Variants in DET1 observed in about 807,000 individuals in gnomAD.
DET1 encodes the protein DET1 homolog.
In DET1, 22 loss-of-function variants were observed where a neutral mutation model predicts 43.7. The ratio of observed to expected loss-of-function variants is 0.50; its 90% CI spans 0.36 to 0.72. The LOEUF (loss-of-function observed/expected upper bound fraction) is 0.72, where lower values mean the gene tolerates loss of function less well. DET1 is among the 30% of genes least tolerant of loss of function. The probability of loss-of-function intolerance (pLI) is 0.00; values close to 1 mark genes in which losing one functional copy is unlikely to be tolerated. For synonymous variants in DET1, 315 were observed against 266.2 expected (o/e 1.18, Z -1.79); for missense variants, 713 against 713.3 (o/e 1.00, Z 0.00).
At chr15:88,539,455 A>C (rs2057044046) in intron 1 of DET1, among the ~76,000 whole-genome samples, 1 of 151,502 alleles carries the variant, frequency 6.6e-6, no homozygotes, top group Non-Finnish European at 1.5e-5. Flanking sequence ...GTCTAAAAAA[A>C]AAAAAAAAAA....
At chr15:88,534,453 C>A (rs2056896711) in intron 1 of DET1, among the ~76,000 whole-genome samples, 2 of 152,244 alleles carry the variant, frequency 1.3e-5, no homozygotes, top group South Asian at 2.1e-4. Context: ...GCTTGAAGAG[C>A]AAGTGTGTTG....
intron 3 of DET1, among the ~76,000 whole-genome samples, chr15:88,517,553 T>C (rs1289549375): frequency 6.6e-6 from 1 of 152,186 alleles, no homozygotes; most frequent in Non-Finnish European, 1.5e-5. Context: ...ACAAAGACTC[T>C]ACAAACAAGT....
chr15:88,540,243 C>G (rs1183905636), intron 1 of DET1, among the ~76,000 whole-genome samples: 1 of 152,098 alleles, frequency 6.6e-6, no homozygotes, highest in Non-Finnish European at 1.5e-5. Flanking sequence ...GGGAGAACGC[C>G]TAGATCCAAC....
At chr15:88,534,758 G>C (rs1385338601) in intron 1 of DET1, among the ~76,000 whole-genome samples, 1 of 152,172 alleles carries the variant, frequency 6.6e-6, no homozygotes, top group South Asian at 2.1e-4. Flanking sequence ...TCTGCCATTA[G>C]AACCATAGCC....
At position 88,531,121 on chromosome 15, in the gene DET1, G is replaced by A. The variant is rs746400161; in HGVS notation, c.585C>T (p.Ile195=). 17 of 1,614,008 alleles carry A rather than the reference G, an allele frequency of 1.1e-5. No individual in the cohort carries two copies. In the South Asian group the frequency reaches 1.9e-4, roughly 18 times the overall value. The change falls in exon 2 of 5, where the codon ATC becomes ATT. Residue 195 remains isoleucine, a synonymous_variant. Transcript: ENST00000268148. The surrounding 1 kb of genome is among the most constrained non-coding windows in gnomAD (Gnocchi z 6.2). ...ATAAGCGGCCGGTGTGAAGGTCAAT[G>A]ATATGGAGGGAATAGTCTTCTAGAG... ...RSPLEDYSLH[I]IDLHTGRLCD...
intron 2 of DET1, 126 bp downstream of exon 2, chr15:88,530,497 C>T: frequency 1.4e-6 from 2 of 1,448,714 alleles, no homozygotes; most frequent in East Asian, 2.3e-5. Context: ...TAAGTTTGGG[C>T]CCTAGGATAT....
chr15:88,525,015 G>A (rs2056624208), intron 3 of DET1, among the ~76,000 whole-genome samples: 1 of 152,146 alleles, frequency 6.6e-6, no homozygotes, highest in South Asian at 2.1e-4. Context: ...AGTATGATTA[G>A]TGGTCAACAA....
intron 7 of DET1, among the ~76,000 whole-genome samples, chr15:88,506,772 G>T (rs1028198387): frequency 2.0e-5 from 3 of 152,140 alleles, no homozygotes; most frequent in African/African-American, 7.2e-5. Context: ...AATGAAAGAG[G>T]TTTTGCTATC....
At position 88,527,774 on chromosome 15, in the gene DET1, C is replaced by T. The variant is rs1405253633; in HGVS notation, c.1096G>A (p.Val366Met). The T allele has an allele frequency of 6.3e-7, 1 of 1,593,110 alleles. No homozygotes were observed. The change falls in exon 3 of 5, where the codon GTG (valine) becomes ATG (methionine). Residue 366 changes from valine to methionine, a missense_variant. Coordinates refer to ENST00000268148, the MANE Select transcript of DET1 (RefSeq NM_001144074.3). ...VTDPSQASFF[V>M]VYNMVTTEVI... ...TCTGTCGTCACCATATTGTACACCACAAAGAAAGATGCCTGCAGAAGAAAA... is the reference window on the plus strand; with the variant it reads ...TCTGTCGTCACCATATTGTACACCATAAAGAAAGATGCCTGCAGAAGAAAA...
chr15:88,531,875 G>A lies in DET1; in HGVS notation c.-10-160C>T. ...CTACTTCCCAGATTATACTGAGTAA[G>A]TGGTCCTAACATTTCTAAGTCTAGA... On this transcript the variant is annotated intron_variant, in intron 1 of 4. Coordinates refer to ENST00000268148, the MANE Select transcript of DET1 (RefSeq NM_001144074.3). The surrounding 1 kb of genome is among the most constrained non-coding windows in gnomAD (Gnocchi z 6.2). The A allele has an allele frequency of 2.9e-6, 2 of 690,618 alleles. No homozygotes were observed. Among genetic ancestry groups the A allele is most frequent in the Non-Finnish European group, 2.4e-6 (1 of 424,192 alleles). The allele number at this position is 690,618 out of a possible 1,614,324, so 42.8% of individuals were successfully genotyped here. A position where few individuals can be genotyped will look rare whatever the true frequency, so the allele number is the denominator to read the frequency against.
chr15:88,518,791 A>G (rs555242560), intron 3 of DET1, among the ~76,000 whole-genome samples: 2 of 152,300 alleles, frequency 1.3e-5, no homozygotes, highest in East Asian at 1.9e-4. Context: ...TGAGACCACA[A>G]AGATTAATTA....
chr15:88,529,727 C>G (rs1386607288), intron 2 of DET1, among the ~76,000 whole-genome samples: 2 of 152,182 alleles, frequency 1.3e-5, no homozygotes, highest in East Asian at 3.9e-4. Context: ...AAACTAGTGT[C>G]TAAGGAGACA....
At chr15:88,526,508 A>G (rs980790122) in intron 3 of DET1, among the ~76,000 whole-genome samples, 1 of 148,886 alleles carries the variant, frequency 6.7e-6, no homozygotes, top group Non-Finnish European at 1.5e-5. Context: ...ATTTAGGGTG[A>G]CCTAAGTGAT....
At chr15:88,506,570 CG>C (rs201084189) in intron 7 of DET1, among the ~76,000 whole-genome samples, 3 of 76,732 alleles carry the variant, frequency 3.9e-5, no homozygotes, top group African/African-American at 1.2e-4. Context: ...TGCAGAGAAC[CG>C]TTTATGCTGA....
In DET1 at chr15:88,505,954, C is replaced by T. The variant is rs139183099; in HGVS notation, c.*2066-1967G>A. On this transcript the variant is annotated intron_variant and NMD_transcript_variant, in intron 7 of 8. Coordinates refer to the DET1 transcript ENST00000557842. ...GATGCATGGCAAAAGAATGGCACCA[C>T]CTCAACTGACATGGGTGGGCAGGGG... 1.5e-3 allele frequency among the ~76,000 whole-genome samples: 225 copies of T among 152,276 alleles called. 5 individuals are homozygous for T. The South Asian group carries it at 0.038, about 26-fold the overall frequency.
rs965180023 is a variant in DET1 at position 88,531,207 on chromosome 15, G to A, written c.499C>T (p.His167Tyr). Residue 167 changes from histidine to tyrosine, a missense_variant, in exon 2 of 5, where the codon CAC (histidine) becomes TAC (tyrosine). By Grantham distance (83) the His-to-Tyr change is moderately conservative. Coordinates refer to ENST00000268148, the MANE Select transcript of DET1 (RefSeq NM_001144074.3). This position sits in a 1 kb window ranked among gnomAD's most constrained non-coding sequence, Gnocchi z 6.2. ...GSAAYLPDEP[H>Y]PPFFEVYRNS... is the part of the protein sequence containing the mutation. ...CGATATACCTCAAAAAATGGAGGGT[G>A]AGGCTCATCTGGGAGGTAGGCAGCT... 1 of 1,613,934 alleles carries A rather than the reference G, an allele frequency of 6.2e-7. No individual in the cohort carries two copies. Among genetic ancestry groups the A allele is most frequent in the Non-Finnish European group, 8.5e-7 (1 of 1,179,856 alleles).
intron 7 of DET1, among the ~76,000 whole-genome samples, chr15:88,505,965 A>G (rs2056135677): frequency 6.6e-6 from 1 of 152,112 alleles, no homozygotes; most frequent in Non-Finnish European, 1.5e-5. Context: ...CTCAACTGAC[A>G]TGGGTGGGCA....
intron 1 of DET1, among the ~76,000 whole-genome samples, chr15:88,543,471 T>A (rs1334486793): frequency 6.6e-6 from 1 of 152,216 alleles, no homozygotes; most frequent in Non-Finnish European, 1.5e-5. Context: ...ATCCAGCTAC[T>A]ATCCAAGACT....
At chr15:88,540,818 C>T (rs1321233467) in intron 1 of DET1, among the ~76,000 whole-genome samples, 2 of 136,178 alleles carry the variant, frequency 1.5e-5, no homozygotes, top group Non-Finnish European at 3.1e-5. Context: ...ACTCCCTAAT[C>T]TCAAGTACCC....
Sources: gnomAD v4.1 joint callset for allele counts (sites outside exome capture counted in the v4.1 genomes callset) on GRCh38, gnomAD v4.1.1 for gene constraint, Gnocchi (gnomAD v3.1) non-coding constraint, MANE v1.5 for transcripts, NCBI Gene and HGNC (gene_info 2026-07-23, HGNC 2026-07-21) for gene names.